Variants in KCTD16 observed in about 807,000 individuals in gnomAD.
KCTD16 encodes BTB/POZ domain-containing protein KCTD16.
A neutral mutation model predicts 33.2 loss-of-function variants in KCTD16; 13 were observed. That is an observed-to-expected ratio of 0.39 (90% CI 0.25 to 0.62). The LOEUF is 0.62. Ranked by LOEUF, KCTD16 falls within the 20% of genes least tolerant of loss-of-function variation. KCTD16 has a pLI of 0.50. For missense variants in KCTD16, 441 were observed against 525.1 expected (o/e 0.84, Z 1.57); for synonymous variants, 197 against 195.3 (o/e 1.01, Z -0.07).
At chr5:144,440,621 C>G (rs182860955) in intron 3 of KCTD16, among the ~76,000 whole-genome samples, 1 of 151,608 alleles carries the variant, frequency 6.6e-6, no homozygotes, top group Non-Finnish European at 1.5e-5. Context: ...TCCTTGAGGT[C>G]AGGAGTTCAA....
At chr5:144,191,537 C>T (rs1161517291) in intron 2 of KCTD16, among the ~76,000 whole-genome samples, 2 of 152,210 alleles carry the variant, frequency 1.3e-5, no homozygotes, top group Admixed American at 1.3e-4. Flanking sequence ...ACCTGTCCTT[C>T]AAAGTGCAAT....
intron 3 of KCTD16, among the ~76,000 whole-genome samples, chr5:144,257,063 G>A (rs1467264764): frequency 6.6e-6 from 1 of 152,114 alleles, no homozygotes; most frequent in Non-Finnish European, 1.5e-5. Flanking sequence ...TACTTTTTGT[G>A]TATCTCACTT....
chr5:144,432,485 A>G (rs1392030903), intron 3 of KCTD16, among the ~76,000 whole-genome samples: 1 of 152,180 alleles, frequency 6.6e-6, no homozygotes, highest in East Asian at 1.9e-4. Flanking sequence ...TCAAGCACAC[A>G]TATGTTATCA....
At chr5:144,390,203 TG>T (rs1413841460) in intron 3 of KCTD16, among the ~76,000 whole-genome samples, 18 of 152,256 alleles carry the variant, frequency 1.2e-4, no homozygotes, top group African/African-American at 4.1e-4. Context: ...TAATTTATCA[TG>T]GCTATCTGCC....
intron 3 of KCTD16, chr5:144,439,195 A>T (rs1753645459): frequency 5.4e-6 from 1 of 185,090 alleles, no homozygotes; most frequent in East Asian, 1.4e-4. Context: ...AAGCTTGCAG[A>T]CACAGCGATC....
Position 144,288,574 on chromosome 5 carries a change from G to A in KCTD16, c.832+81028G>A, listed in dbSNP as rs185031712. ...TTAGGCATGTTTAGTACTTGTCCTT[G>A]AATCTAGGTGAGAAAAAAGAGGAAT... On this transcript the variant is annotated intron_variant, in intron 3 of 3. Coordinates refer to ENST00000512467, the MANE Select transcript of KCTD16 (RefSeq NM_020768.4). Among the ~76,000 whole-genome samples, 442 of 152,288 alleles carry A rather than the reference G, an allele frequency of 2.9e-3. 4 individuals carry two copies. Among genetic ancestry groups the A allele is most frequent in the African/African-American group, 0.01 (420 of 41,566 alleles).
chr5:144,201,139 G>A (rs968789439), intron 2 of KCTD16, among the ~76,000 whole-genome samples: 2 of 152,106 alleles, frequency 1.3e-5, no homozygotes, highest in Non-Finnish European at 2.9e-5. Context: ...ATATGAAATC[G>A]GGCTTTGCAT....
chr5:144,392,621 G>A lies in KCTD16; in HGVS notation c.833-81039G>A, dbSNP rs1752475257. On this transcript the variant is annotated intron_variant, in intron 3 of 3. Coordinates refer to ENST00000512467, the MANE Select transcript of KCTD16 (RefSeq NM_020768.4). ...GGTTGGCCTTGCTACTGTTTACCAT[G>A]TATCTCTAGCGCTCCTTTTTCTGGG... is the stretch of plus-strand genomic sequence containing the variant. Among the ~76,000 whole-genome samples, 3 of 152,196 alleles carry A rather than the reference G, an allele frequency of 2.0e-5. No homozygotes were observed. In the South Asian group the frequency reaches 6.2e-4, roughly 31 times the overall value.
rs564758662 is a variant in KCTD16, at chr5:144,193,332, T to C, written c.-326-13057T>C. On this transcript the variant is annotated intron_variant, in intron 2 of 3. Transcript: ENST00000512467. The stretch of plus-strand genomic sequence containing the variant: ...AGACCTGCACTCTCACCCTTGCTCA[T>C]TGGGATCCAACTTGCTGGCTTTCTT... Among the ~76,000 whole-genome samples, 17 of 152,278 alleles carry C rather than the reference T, an allele frequency of 1.1e-4. No homozygotes were observed. The South Asian group carries it at 3.3e-3, about 30-fold the overall frequency.
chr5:144,418,240 A>G (rs1436315459), intron 3 of KCTD16, among the ~76,000 whole-genome samples: 2 of 152,172 alleles, frequency 1.3e-5, no homozygotes, highest in African/African-American at 2.4e-5. Flanking sequence ...CAAAGAGCAA[A>G]AGAACAAGGC....
rs145213183 is a variant in KCTD16, at chr5:144,389,341, C to T, written c.833-84319C>T. ...TTACAGCTGCTCCCCATCACTTGCACCCCTGCCTGAGCCCCACCTCCTGTC... is the reference window on the plus strand; with the variant it reads ...TTACAGCTGCTCCCCATCACTTGCATCCCTGCCTGAGCCCCACCTCCTGTC... On this transcript the variant is annotated intron_variant, in intron 3 of 3. Transcript: ENST00000512467. Among the ~76,000 whole-genome samples the T allele has an allele frequency of 1.1e-3, 169 of 152,172 alleles. 1 individual carries two copies. Among genetic ancestry groups the T allele is most frequent in the African/African-American group, 3.8e-3 (157 of 41,494 alleles).
intron 3 of KCTD16, among the ~76,000 whole-genome samples, chr5:144,436,099 C>T (rs186136592): frequency 6.6e-6 from 1 of 152,180 alleles, no homozygotes; most frequent in Admixed American, 6.5e-5. Context: ...TTAGTTTTAA[C>T]TAGGTGACCT....
intron 3 of KCTD16, among the ~76,000 whole-genome samples, chr5:144,235,274 T>C (rs189086564): frequency 6.6e-6 from 1 of 152,256 alleles, no homozygotes; most frequent in East Asian, 1.9e-4. Context: ...CCTTTCCTTT[T>C]CATGGAGGTT....
chr5:144,254,862 C>T (rs1473021903), intron 3 of KCTD16, among the ~76,000 whole-genome samples: 3 of 152,056 alleles, frequency 2.0e-5, no homozygotes, highest in Admixed American at 6.6e-5. Context: ...TGGATTCATG[C>T]GATCCTCCCA....
chr5:144,236,497 C>T (rs566599624), intron 3 of KCTD16, among the ~76,000 whole-genome samples: 1 of 152,158 alleles, frequency 6.6e-6, no homozygotes, highest in Non-Finnish European at 1.5e-5. Context: ...ATTAATTATA[C>T]CTACTAAAAA....
At chr5:144,412,617 G>A (rs1472217657) in intron 3 of KCTD16, among the ~76,000 whole-genome samples, 3 of 152,136 alleles carry the variant, frequency 2.0e-5, no homozygotes, top group African/African-American at 7.2e-5. Context: ...TGGATGCGGT[G>A]GCTCATGCCT....
intron 3 of KCTD16, among the ~76,000 whole-genome samples, chr5:144,443,103 G>A (rs1217533013): frequency 6.6e-6 from 1 of 152,124 alleles, no homozygotes; most frequent in Non-Finnish European, 1.5e-5. Flanking sequence ...CGGTGTCTGG[G>A]GAGTAGTGAG....
chr5:144,173,644 G>A (rs923567915), intron 1 of KCTD16, among the ~76,000 whole-genome samples: 4 of 152,106 alleles, frequency 2.6e-5, no homozygotes, highest in Admixed American at 2.0e-4. Context: ...GCCTGTTTAG[G>A]AATGAATTAT....
At chr5:144,269,483 T>G (rs747702868) in intron 3 of KCTD16, among the ~76,000 whole-genome samples, 1 of 152,052 alleles carries the variant, frequency 6.6e-6, no homozygotes, top group Non-Finnish European at 1.5e-5. Flanking sequence ...TAATCCTATA[T>G]CTGGCAAAAC....
Sources: allele counts gnomAD v4.1 joint callset (sites outside exome capture counted in the v4.1 genomes callset), GRCh38; gene constraint gnomAD v4.1.1; transcripts MANE v1.5; gene names NCBI Gene and HGNC (gene_info 2026-07-23, HGNC 2026-07-21).